SLC45A2: variants seen among roughly 807,000 people sequenced by gnomAD.
SLC45A2 encodes the protein membrane-associated transporter protein.
In SLC45A2, 36 loss-of-function variants were observed where a neutral mutation model predicts 45.5. That is an observed-to-expected ratio of 0.79 (90% confidence interval 0.61 to 1.04). The LOEUF (loss-of-function observed/expected upper bound fraction) is 1.04, where lower values mean the gene tolerates loss of function less well. Ranked by LOEUF, SLC45A2 falls within the 50% of genes least tolerant of loss-of-function variation. The pLI is 0.00. For synonymous variants in SLC45A2, 306 were observed against 269.3 expected, an observed-to-expected ratio of 1.14 and a Z score of -1.33; for missense variants, 719 against 671.0, an observed-to-expected ratio of 1.07 and a Z score of -0.79.
At chr5:33,948,600 A>G (rs1262262573) in intron 5 of SLC45A2, among the ~76,000 whole-genome samples, 2 of 152,258 alleles carry the variant, frequency 1.3e-5, no homozygotes, top group Non-Finnish European at 2.9e-5. Flanking sequence ...AAAGATCTGG[A>G]AATGACAAGT....
intron 4 of SLC45A2, among the ~76,000 whole-genome samples, chr5:33,953,058 G>A (rs1471960946): frequency 1.7e-5 from 2 of 117,414 alleles, no homozygotes; most frequent in African/African-American, 6.6e-5. Flanking sequence ...ATTCCATGGT[G>A]TATATGTGCC....
At chr5:33,953,911 T>C (rs1752192175) in intron 4 of SLC45A2, among the ~76,000 whole-genome samples, 1 of 122,494 alleles carries the variant, frequency 8.2e-6, no homozygotes, top group Non-Finnish European at 1.7e-5. Flanking sequence ...GTTGCAATCC[T>C]AGTCTCTGAT....
At chr5:33,958,477 C>T (rs374389749) in intron 3 of SLC45A2, among the ~76,000 whole-genome samples, 1 of 152,012 alleles carries the variant, frequency 6.6e-6, no homozygotes, top group African/African-American at 2.4e-5. Context: ...TTACTCTGTG[C>T]TATATTCTTA....
At chr5:33,952,362 A>T in intron 4 of SLC45A2, among the ~76,000 whole-genome samples, 1 of 142,658 alleles carries the variant, frequency 7.0e-6, no homozygotes, top group South Asian at 2.3e-4. Context: ...TATTTGTTGT[A>T]TTTTTTTTTT....
intron 6 of SLC45A2, chr5:33,946,721 A>G (rs2111899425): frequency 9.5e-7 from 1 of 1,056,940 alleles, no homozygotes; most frequent in Non-Finnish European, 1.1e-6. Flanking sequence ...TAATGCCAAG[A>G]AATTCCACTA....
chr5:33,945,950 G>A (rs1234288997), intron 6 of SLC45A2: 1 of 984,728 alleles, frequency 1.0e-6, no homozygotes, highest in Admixed American at 6.1e-5. Flanking sequence ...GGGCTGGAGG[G>A]AGATAGTAAA....
chr5:33,984,380 G>A lies in SLC45A2; in HGVS notation c.204C>T (p.Ser68=). Reference sequence around the variant, plus strand: ...TGAGGAACCACACAATGCTGTACAGGCTGCTGGGCAGACCTACGCTGAGCA... The same window carrying A: ...TGAGGAACCACACAATGCTGTACAGACTGCTGGGCAGACCTACGCTGAGCA... The part of the protein sequence containing the change: ...PVLLSVGLPS[S]LYSIVWFLSP... Residue 68 remains serine, a synonymous_variant, in exon 1 of 7, where the codon AGC becomes AGT. Coordinates refer to ENST00000296589, the MANE Select transcript of SLC45A2 (RefSeq NM_016180.5). 6.2e-7 allele frequency: 1 copy of A among 1,613,794 alleles called. No individual in the cohort carries two copies.
chr5:33,962,745 T>G (rs1752487376), intron 3 of SLC45A2, among the ~76,000 whole-genome samples: 1 of 152,244 alleles, frequency 6.6e-6, no homozygotes, highest in Non-Finnish European at 1.5e-5. Flanking sequence ...ATTTAAGCAC[T>G]GTGCTCTTAA....
rs145802190 is a variant in SLC45A2 at position 33,945,898 on chromosome 5, C to T, written c.1369-1026G>A. 59 of 909,970 alleles carry T rather than the reference C, an allele frequency of 6.5e-5. 1 individual carries two copies. In the Middle Eastern group the frequency reaches 3.4e-3, roughly 52 times the overall value. The allele number at this position is 909,970 out of a possible 1,614,324, so 56.4% of individuals were successfully genotyped here. On this transcript the variant is annotated intron_variant, in intron 6 of 6. Transcript: ENST00000296589. ...TTGCTTGGTTTTTATTTAAAAATGC[C>T]GGAAAGATTAACAAAAAACTAGTAA...
chr5:33,970,357 G>GATGCCC (rs1752742734), intron 2 of SLC45A2, among the ~76,000 whole-genome samples: 2 of 152,238 alleles, frequency 1.3e-5, no homozygotes, highest in African/African-American at 4.8e-5. Flanking sequence ...TACATGGAGA[G>GATGCCC]TTCTTTGGTG....
chr5:33,947,698 T>C (rs1751980225), intron 5 of SLC45A2, among the ~76,000 whole-genome samples: 1 of 152,186 alleles, frequency 6.6e-6, no homozygotes, highest in Admixed American at 6.5e-5. Context: ...TATGGGAACC[T>C]GGGGCTTCAA....
chr5:33,951,687 A>C lies in SLC45A2; in HGVS notation c.1033-10T>G. 6.2e-7 allele frequency: 1 copy of C among 1,614,122 alleles called. No individual in the cohort carries two copies. Among genetic ancestry groups the C allele is most frequent in the Middle Eastern group, 1.7e-4 (1 of 6,060 alleles). ...CCCCGCGGTACACAATCTGAAAGAGAGATTGGAGGCTGTTGAGGTACAAAT... is the reference window on the plus strand; with the variant it reads ...CCCCGCGGTACACAATCTGAAAGAGCGATTGGAGGCTGTTGAGGTACAAAT... On this transcript the variant is annotated splice_polypyrimidine_tract_variant and intron_variant, in intron 4 of 6. Transcript: ENST00000296589.
intron 5 of SLC45A2, among the ~76,000 whole-genome samples, chr5:33,949,739 A>G (rs1400208196): frequency 1.3e-5 from 2 of 152,184 alleles, no homozygotes; most frequent in African/African-American, 4.8e-5. Context: ...TTTCTTTTGT[A>G]ACTAGAAACG....
chr5:33,976,166 C>T (rs1225368043), intron 2 of SLC45A2, among the ~76,000 whole-genome samples: 5 of 152,162 alleles, frequency 3.3e-5, no homozygotes, highest in Non-Finnish European at 5.9e-5. Flanking sequence ...CACTCTATTC[C>T]CTAAGCATAT....
chr5:33,957,922 AGT>A (rs1752327380), intron 3 of SLC45A2, among the ~76,000 whole-genome samples: 1 of 152,236 alleles, frequency 6.6e-6, no homozygotes, highest in African/African-American at 2.4e-5. Flanking sequence ...AAAAGCTGAG[AGT>A]GTAAATATTC....
chr5:33,950,419 T>A (rs181495787), intron 5 of SLC45A2, among the ~76,000 whole-genome samples: 1 of 152,330 alleles, frequency 6.6e-6, no homozygotes, highest in East Asian at 1.9e-4. Context: ...AGCACTACTC[T>A]TTGAGTATCA....
At chr5:33,980,810 G>A (rs1753053371) in intron 2 of SLC45A2, among the ~76,000 whole-genome samples, 1 of 152,224 alleles carries the variant, frequency 6.6e-6, no homozygotes, top group African/African-American at 2.4e-5. Context: ...AGGATGAGGA[G>A]AAAGAGGAGT....
rs368411468 is a variant in SLC45A2 at position 33,963,744 on chromosome 5, C to T, written c.835G>A (p.Val279Ile). 7.4e-6 allele frequency: 12 copies of T among 1,614,090 alleles called. No homozygotes were observed. Among genetic ancestry groups the T allele is most frequent in the Admixed American group, 3.3e-5 (2 of 60,018 alleles). The change falls in exon 3 of 7, where the codon GTA (valine) becomes ATA (isoleucine). Residue 279 changes from valine (V) to isoleucine (I), a missense_variant. Physicochemically the swap from Val to Ile is conservative, Grantham distance 29. Transcript: ENST00000296589. ...GSIEKVKNGY[V>I]NPELAMQGAK... is the part of the protein sequence containing the mutation. ...CCCTGCATTGCCAGCTCTGGATTTACGTAACCATTTTTAACTTTCTCGATA... is the reference window on the plus strand; with the variant it reads ...CCCTGCATTGCCAGCTCTGGATTTATGTAACCATTTTTAACTTTCTCGATA...
At chr5:33,956,234 C>A (rs1009262723) in intron 3 of SLC45A2, among the ~76,000 whole-genome samples, 1 of 152,150 alleles carries the variant, frequency 6.6e-6, no homozygotes, top group Non-Finnish European at 1.5e-5. Context: ...GTATTGTGCC[C>A]AGATCAACTG....
Sources: gnomAD v4.1 joint callset for allele counts (sites outside exome capture counted in the v4.1 genomes callset) on GRCh38, gnomAD v4.1.1 for gene constraint, MANE v1.5 for transcripts, NCBI Gene and HGNC (gene_info 2026-07-23, HGNC 2026-07-21) for gene names.